The following DPYSL2 variants were observed in gnomAD, a reference collection of about 807,000 sequenced individuals.
The protein encoded by DPYSL2 is dihydropyrimidinase like 2, also known as dihydropyrimidinase-related protein 2.
Under a neutral mutation model 69.9 loss-of-function variants are expected in DPYSL2, and 13 were observed. The observed-to-expected ratio is 0.19, with a 90% CI of 0.12 to 0.30. The LOEUF is 0.30. Ranked by LOEUF, DPYSL2 falls within the 10% of genes least tolerant of loss-of-function variation. The pLI, the probability that DPYSL2 is intolerant of heterozygous loss-of-function variation, is 1.00. For missense variants in DPYSL2, 587 were observed against 918.9 expected, an observed-to-expected ratio of 0.64 and a Z score of 4.67; for synonymous variants, 326 against 359.1, an observed-to-expected ratio of 0.91 and a Z score of 1.04.
In DPYSL2 at chr8:26,654,512, A is replaced by C. The variant is rs1803341067; in HGVS notation, c.1943-1103A>C. Among the ~76,000 whole-genome samples, 1 of 152,208 alleles carries C rather than the reference A, an allele frequency of 6.6e-6. No homozygotes were observed. The highest frequency in any genetic ancestry group is 2.4e-5 in the African/African-American group (1 of 41,456). On this transcript the variant is annotated intron_variant, in intron 13 of 13. Transcript: ENST00000521913. This position sits in a 1 kb window ranked among gnomAD's most constrained non-coding sequence, Gnocchi z 5.0. ...CCAGTTTTCAAAACATTTAAAAATA[A>C]GGAACTTTACTTTGTTGTAAGTAAA...
At chr8:26,523,891 T>G (rs562724966) in intron 1 of DPYSL2, among the ~76,000 whole-genome samples, 53 of 152,340 alleles carry the variant, frequency 3.5e-4, no homozygotes, top group African/African-American at 1.2e-3. Context: ...ATTGTATGTA[T>G]AGACCACATT....
At chr8:26,630,858 C>T (rs1802755980) in intron 7 of DPYSL2, among the ~76,000 whole-genome samples, 1 of 152,230 alleles carries the variant, frequency 6.6e-6, no homozygotes, top group Non-Finnish European at 1.5e-5. Context: ...CTTAAAGCCA[C>T]ACCTGGACCT....
At chr8:26,530,874 G>A (rs1441819800) in intron 1 of DPYSL2, among the ~76,000 whole-genome samples, 1 of 152,038 alleles carries the variant, frequency 6.6e-6, no homozygotes, top group African/African-American at 2.4e-5. Flanking sequence ...TTATATGCTA[G>A]GTCTTGACAG....
chr8:26,605,576 A>C lies in DPYSL2; in HGVS notation c.629-18567A>C, dbSNP rs962451187. Among the ~76,000 whole-genome samples, 1 of 152,210 alleles carries C rather than the reference A, an allele frequency of 6.6e-6. No homozygotes were observed. The highest frequency in any genetic ancestry group is 2.4e-5 in the African/African-American group (1 of 41,454). ...GATTATTACTATTTTTAGATGGTTT[A>C]CTTTAGCCATTCAAAGGAATTAAAT... On this transcript the variant is annotated intron_variant, in intron 3 of 13. Transcript: ENST00000521913. This position sits in a 1 kb window ranked among gnomAD's most constrained non-coding sequence, Gnocchi z 4.1.
At chr8:26,637,953 A>G (rs986286850) in intron 8 of DPYSL2, 1 of 152,262 alleles carries the variant, frequency 6.6e-6, no homozygotes, top group African/African-American at 2.4e-5. Context: ...AAAGCAGAGT[A>G]AAGATGCCTG....
Position 26,641,914 on chromosome 8 carries a change from G to A in DPYSL2, c.1127-1525G>A, listed in dbSNP as rs1260519828. The stretch of plus-strand genomic sequence containing the variant: ...AGCTCTCAGAGTGGCCGACAGGGAG[G>A]GTGTTGTGGTGTATCATCAAGTGAT... On this transcript the variant is annotated intron_variant, in intron 8 of 13. Coordinates refer to ENST00000521913, the MANE Select transcript of DPYSL2 (RefSeq NM_001197293.3). The surrounding 1 kb of genome is among the most constrained non-coding windows in gnomAD (Gnocchi z 4.1). Among the ~76,000 whole-genome samples, 2 of 152,172 alleles carry A rather than the reference G, an allele frequency of 1.3e-5. No homozygotes were observed. Among genetic ancestry groups the A allele is most frequent in the East Asian group, 3.9e-4 (2 of 5,178 alleles).
rs200846358 is a variant in DPYSL2, at chr8:26,643,482, G to A, written c.1170G>A (p.Thr390=). The A allele has an allele frequency of 2.1e-5, 34 of 1,610,868 alleles. No individual in the cohort carries two copies. Among genetic ancestry groups the A allele is most frequent in the East Asian group, 1.8e-4 (8 of 44,876 alleles). The change falls in exon 9 of 14, where the codon ACG becomes ACA. Residue 390 remains threonine (T), a synonymous_variant. Coordinates refer to ENST00000521913, the MANE Select transcript of DPYSL2 (RefSeq NM_001197293.3). The surrounding 1 kb of genome is among the most constrained non-coding windows in gnomAD (Gnocchi z 6.5). ...AGCCCATCACTGCCAGCTTGGGAAC[G>A]GACGGCTCCCATTACTGGAGCAAGA... The part of the protein sequence containing the change: ...YGEPITASLG[T]DGSHYWSKNW...
Position 26,652,353 on chromosome 8 carries a change from C to A in DPYSL2, c.1693C>A (p.His565Asn). ...GKIVLEDGTLHVTEGSGRYIP... is the reference protein window; with the variant it reads ...GKIVLEDGTLNVTEGSGRYIP... Reference sequence around the variant, plus strand: ...GATTGTCCTGGAGGACGGCACCCTGCATGTCACCGAAGGCTCTGGACGCTA... The same window carrying A: ...GATTGTCCTGGAGGACGGCACCCTGAATGTCACCGAAGGCTCTGGACGCTA... Residue 565 changes from histidine to asparagine, a missense_variant, in exon 12 of 14, where the codon CAT (histidine) becomes AAT (asparagine). Around this residue, in one of 3 missense-constraint regions of DPYSL2, gnomAD observed 452 missense variants for 754.3 expected, o/e 0.60. Transcript: ENST00000521913. This position sits in a 1 kb window ranked among gnomAD's most constrained non-coding sequence, Gnocchi z 6.3. 1 of 1,614,232 alleles carries A rather than the reference C, an allele frequency of 6.2e-7. No individual in the cohort carries two copies. The highest frequency in any genetic ancestry group is 8.5e-7 in the Non-Finnish European group (1 of 1,180,034).
intron 1 of DPYSL2, among the ~76,000 whole-genome samples, chr8:26,539,154 T>G (rs1166403446): frequency 6.6e-6 from 1 of 152,228 alleles, no homozygotes; most frequent in Non-Finnish European, 1.5e-5. Context: ...ATTTTAGGCA[T>G]TAGGACTTGC....
At chr8:26,629,461 C>T (rs1204524771) in intron 7 of DPYSL2, among the ~76,000 whole-genome samples, 1 of 152,206 alleles carries the variant, frequency 6.6e-6, no homozygotes, top group Non-Finnish European at 1.5e-5. Context: ...TTTTCCTCTC[C>T]CCAGATGACA....
chr8:26,629,872 C>T (rs1351373416), intron 7 of DPYSL2, among the ~76,000 whole-genome samples: 1 of 152,204 alleles, frequency 6.6e-6, no homozygotes, highest in Non-Finnish European at 1.5e-5. Flanking sequence ...GCTGGGATTA[C>T]AGGCGTGAGC....
rs1801136555 is a variant in DPYSL2, at chr8:26,565,657, C to G, written c.355-16312C>G. ...AGTTGTGGTAGAAAGAATACTGCTG[C>G]TATGATAAATAGACTCCACTATGTA... On this transcript the variant is annotated intron_variant, in intron 1 of 13. Transcript: ENST00000521913. The surrounding 1 kb of genome is among the most constrained non-coding windows in gnomAD (Gnocchi z 4.1). Among the ~76,000 whole-genome samples, 1 of 152,188 alleles carries G rather than the reference C, an allele frequency of 6.6e-6. No individual in the cohort carries two copies. The highest frequency in any genetic ancestry group is 2.4e-5 in the African/African-American group (1 of 41,436).
In DPYSL2 at chr8:26,643,295, C is replaced by T. The variant is rs141483187; in HGVS notation, c.1127-144C>T. The T allele has an allele frequency of 1.4e-4, 117 of 865,926 alleles. 1 individual carries two copies. In the African/African-American group the frequency reaches 1.8e-3, roughly 14 times the overall value. The allele number at this position is 865,926 out of a possible 1,614,324, so 53.6% of individuals were successfully genotyped here. Reference sequence around the variant, plus strand: ...CTGAATTTCTCCAAGTCTCAGTTTCCTCATCTGCGAGATGAGCCTGATATT... The same window carrying T: ...CTGAATTTCTCCAAGTCTCAGTTTCTTCATCTGCGAGATGAGCCTGATATT... On this transcript the variant is annotated intron_variant, in intron 8 of 13. Coordinates refer to ENST00000521913, the MANE Select transcript of DPYSL2 (RefSeq NM_001197293.3). This position sits in a 1 kb window ranked among gnomAD's most constrained non-coding sequence, Gnocchi z 6.5.
intron 3 of DPYSL2, among the ~76,000 whole-genome samples, chr8:26,596,086 A>G (rs191866765): frequency 9.9e-5 from 15 of 152,280 alleles, no homozygotes; most frequent in African/African-American, 3.6e-4. Context: ...TGAATGAGGA[A>G]ACTGTCCCTG....
At chr8:26,567,409 C>G (rs949810635) in intron 1 of DPYSL2, among the ~76,000 whole-genome samples, 2 of 151,356 alleles carry the variant, frequency 1.3e-5, no homozygotes, top group Admixed American at 6.6e-5. Flanking sequence ...TCCACCCCAC[C>G]CATCTACTAT....
At chr8:26,623,820 T>C (rs1802555489) in intron 3 of DPYSL2, 1 of 240,374 alleles carries the variant, frequency 4.2e-6, no homozygotes, top group Non-Finnish European at 8.1e-6. Context: ...TCCCCGGCCA[T>C]TTGACACTGC....
chr8:26,623,954 T>G, intron 3 of DPYSL2, 189 bp from the exon 4 acceptor site: 2 of 613,640 alleles, frequency 3.3e-6, no homozygotes, highest in South Asian at 4.1e-5. Flanking sequence ...AATGCCAAGT[T>G]TCTGCTTTCT....
intron 3 of DPYSL2, among the ~76,000 whole-genome samples, chr8:26,599,420 C>T (rs190240250): frequency 1.6e-3 from 236 of 152,224 alleles, no homozygotes; most frequent in African/African-American, 4.7e-3. Context: ...TTGGCTCTTT[C>T]TTCTCCTCTT....
intron 7 of DPYSL2, among the ~76,000 whole-genome samples, chr8:26,628,203 A>G (rs539818788): frequency 2.6e-5 from 4 of 152,370 alleles, no homozygotes; most frequent in Admixed American, 6.5e-5. Flanking sequence ...CCTTGCTTGT[A>G]TAGACACAAA....
Sources: gnomAD v4.1 joint callset for allele counts (sites outside exome capture counted in the v4.1 genomes callset) on GRCh38, gnomAD v4.1.1 for gene constraint, gnomAD v4.1.1 regional missense constraint, Gnocchi (gnomAD v3.1) non-coding constraint, MANE v1.5 for transcripts, NCBI Gene and HGNC (gene_info 2026-07-23, HGNC 2026-07-21) for gene names.